The following NBEA variants were observed in gnomAD, a reference collection of about 807,000 sequenced individuals.
NBEA encodes neurobeachin.
In NBEA, 44 loss-of-function variants were observed where a neutral mutation model predicts 343.4. The ratio of observed to expected loss-of-function variants is 0.13; its 90% CI spans 0.10 to 0.16. The LOEUF (loss-of-function observed/expected upper bound fraction) is 0.16. Ranked by LOEUF, NBEA falls within the 10% of genes least tolerant of loss-of-function variation. NBEA has a pLI of 1.00. For missense variants in NBEA, 2,555 were observed against 3,631.3 expected (o/e 0.70, Z 7.62); for synonymous variants, 1,175 against 1,238.7 (o/e 0.95, Z 1.08).
At chr13:35,021,926 G>GT (rs978481927) in intron 1 of NBEA, among the ~76,000 whole-genome samples, 2 of 152,042 alleles carry the variant, frequency 1.3e-5, no homozygotes, top group African/African-American at 2.4e-5. Flanking sequence ...GTGCTCTTCA[G>GT]TTTTTTGTGT....
chr13:35,346,859 T>C (rs9600554), intron 36 of NBEA, among the ~76,000 whole-genome samples: 98 of 152,238 alleles, frequency 6.4e-4, no homozygotes, highest in African/African-American at 2.3e-3. Context: ...TTTAGACGGA[T>C]TTCTACTGAG....
intron 13 of NBEA, among the ~76,000 whole-genome samples, chr13:35,111,913 C>CTTTTTTTT (rs773135374): frequency 8.1e-6 from 1 of 122,754 alleles, no homozygotes; most frequent in East Asian, 2.2e-4. Flanking sequence ...TAACACTTTC[C>CTTTTTTTT]TTTTTTTTTT....
intron 44 of NBEA, among the ~76,000 whole-genome samples, chr13:35,557,082 G>A (rs1392644872): frequency 6.6e-6 from 1 of 152,048 alleles, no homozygotes; most frequent in African/African-American, 2.4e-5. Flanking sequence ...ATATAAAACT[G>A]GAGGGCAGGG....
intron 41 of NBEA, among the ~76,000 whole-genome samples, chr13:35,523,496 G>A (rs935565042): frequency 2.0e-5 from 3 of 152,180 alleles, no homozygotes; most frequent in Non-Finnish European, 4.4e-5. Context: ...TGCAACTTAT[G>A]AGCAGTCTGG....
At chr13:35,103,753 T>C (rs1375486559) in intron 11 of NBEA, among the ~76,000 whole-genome samples, 1 of 151,882 alleles carries the variant, frequency 6.6e-6, no homozygotes, top group Non-Finnish European at 1.5e-5. Context: ...ACCAAAAAGT[T>C]AATTCTTTTT....
chr13:35,236,037 AATATTT>A (rs1363051202), intron 34 of NBEA, among the ~76,000 whole-genome samples: 1 of 152,234 alleles, frequency 6.6e-6, no homozygotes, highest in African/African-American at 2.4e-5. Context: ...ATATGGATGT[AATATTT>A]ATGTCTTTCT....
At chr13:35,554,141 AG>A (rs1474478047) in intron 43 of NBEA, among the ~76,000 whole-genome samples, 1 of 152,204 alleles carries the variant, frequency 6.6e-6, no homozygotes, top group East Asian at 1.9e-4. Context: ...ATTTTCAAAT[AG>A]CTACTCAGTT....
At chr13:35,028,887 T>C (rs2062105152) in intron 1 of NBEA, among the ~76,000 whole-genome samples, 2 of 151,740 alleles carry the variant, frequency 1.3e-5, no homozygotes, top group African/African-American at 4.8e-5. Context: ...TTTTTGTGTC[T>C]GGTTCATTTC....
At chr13:35,481,104 G>T (rs917256160) in intron 41 of NBEA, among the ~76,000 whole-genome samples, 2 of 151,886 alleles carry the variant, frequency 1.3e-5, no homozygotes, top group African/African-American at 4.8e-5. Context: ...ACTGATAAAG[G>T]CCTTTGCCTC....
chr13:35,022,338 A>G (rs1486175510), intron 1 of NBEA, among the ~76,000 whole-genome samples: 1 of 152,006 alleles, frequency 6.6e-6, no homozygotes, highest in African/African-American at 2.4e-5. Context: ...CCTTCCCTAG[A>G]GTTTTTATAG....
At chr13:35,430,393 C>T (rs886485697) in intron 38 of NBEA, among the ~76,000 whole-genome samples, 6 of 152,226 alleles carry the variant, frequency 3.9e-5, no homozygotes, top group South Asian at 2.1e-4. Flanking sequence ...TATGGGTTGT[C>T]TGTTTACTCT....
chr13:35,358,593 CT>C (rs1346429009), intron 38 of NBEA, among the ~76,000 whole-genome samples: 1 of 151,684 alleles, frequency 6.6e-6, no homozygotes, highest in Non-Finnish European at 1.5e-5. Flanking sequence ...TGGCGTGTGC[CT>C]GTAATCCCAG....
intron 39 of NBEA, among the ~76,000 whole-genome samples, chr13:35,450,682 G>T (rs1332490175): frequency 6.6e-6 from 1 of 152,096 alleles, no homozygotes; most frequent in African/African-American, 2.4e-5. Context: ...CACCATATAG[G>T]ACTGATTTAT....
chr13:35,158,886 A>C, intron 21 of NBEA, 130 bp from the exon 22 acceptor site: 1 of 799,622 alleles, frequency 1.3e-6, no homozygotes, highest in Non-Finnish European at 1.9e-6. Context: ...TAGGACTAAC[A>C]AATGCCAGCT....
intron 1 of NBEA, among the ~76,000 whole-genome samples, chr13:35,020,853 T>C (rs982270270): frequency 1.3e-5 from 2 of 152,076 alleles, no homozygotes; most frequent in Admixed American, 1.3e-4. Flanking sequence ...ATTTTTTTTA[T>C]ATGGGGGGAG....
intron 33 of NBEA, among the ~76,000 whole-genome samples, chr13:35,223,001 T>C (rs1378402625): frequency 6.6e-6 from 1 of 152,014 alleles, no homozygotes; most frequent in Non-Finnish European, 1.5e-5. Flanking sequence ...TGTGGTGGCA[T>C]GTGCCTGTAA....
At chr13:35,136,021 C>T (rs1240423005) in intron 17 of NBEA, among the ~76,000 whole-genome samples, 1 of 151,716 alleles carries the variant, frequency 6.6e-6, no homozygotes, top group South Asian at 2.1e-4. Flanking sequence ...GAAAGAATAT[C>T]CCTTGTCCCA....
chr13:34,980,451 CATTTATTTATTTATTT>C (rs10569517), intron 1 of NBEA, among the ~76,000 whole-genome samples: 1 of 147,592 alleles, frequency 6.8e-6, no homozygotes, highest in East Asian at 2.0e-4. Flanking sequence ...ATTTTTATTA[CATTTATTTATTTATTT>C]ATTTATTTAT....
chr13:35,275,252 G>A (rs1338755101), intron 34 of NBEA, among the ~76,000 whole-genome samples: 1 of 152,096 alleles, frequency 6.6e-6, no homozygotes. Context: ...AACAAGCAAT[G>A]GGGAAAGGAT....
Sources: allele counts gnomAD v4.1 joint callset (sites outside exome capture counted in the v4.1 genomes callset), GRCh38; gene constraint gnomAD v4.1.1; transcripts MANE v1.5; gene names NCBI Gene and HGNC (gene_info 2026-07-23, HGNC 2026-07-21).